NALF1: variants seen among roughly 807,000 people sequenced by gnomAD.
NALF1 encodes the protein NALCN channel auxiliary factor 1.
In NALF1, 3 loss-of-function variants were observed where a neutral mutation model predicts 48.4. The observed-to-expected ratio is 0.06, with a 90% CI of 0.03 to 0.16. The LOEUF (loss-of-function observed/expected upper bound fraction) is 0.16, where lower values mean the gene tolerates loss of function less well. Ranked by LOEUF, NALF1 falls within the 10% of genes least tolerant of loss-of-function variation. The pLI is 1.00. For synonymous variants in NALF1, 262 were observed against 245.7 expected, an observed-to-expected ratio of 1.07 and a Z score of -0.62; for missense variants, 526 against 571.5, an observed-to-expected ratio of 0.92 and a Z score of 0.81.
rs1878719313 is a variant in NALF1, at chr13:107,168,651, AT to A, written c.*1845del. The A allele has an allele frequency of 6.6e-6, 1 of 152,650 alleles. No homozygotes were observed. Among genetic ancestry groups the A allele is most frequent in the South Asian group, 2.1e-4 (1 of 4,830 alleles). 9.5% of individuals were successfully genotyped at this position (152,650 alleles called of 1,614,324 possible). On this transcript the variant is annotated 3_prime_UTR_variant, in exon 3 of 3. Coordinates refer to ENST00000375915, the MANE Select transcript of NALF1 (RefSeq NM_001080396.3). ...AATATTGTGCATGTACTGCTAAACAATTCTAGCAATTTTATTAAGCAATACC... is the reference window on the plus strand; with the variant it reads ...AATATTGTGCATGTACTGCTAAACAATCTAGCAATTTTATTAAGCAATACC...
chr13:107,186,024 G>T (rs1879163665), intron 2 of NALF1, among the ~76,000 whole-genome samples: 1 of 152,108 alleles, frequency 6.6e-6, no homozygotes, highest in South Asian at 2.1e-4. Context: ...TGCGAAAAAA[G>T]ATCTTATGCC....
chr13:107,803,304 A>G (rs1046343447), intron 1 of NALF1, among the ~76,000 whole-genome samples: 3 of 152,162 alleles, frequency 2.0e-5, no homozygotes, highest in African/African-American at 7.2e-5. Context: ...TAATGACATT[A>G]TATTTCTATA....
chr13:107,323,554 T>C (rs1193663342), intron 1 of NALF1, among the ~76,000 whole-genome samples: 1 of 152,110 alleles, frequency 6.6e-6, no homozygotes, highest in African/African-American at 2.4e-5. Flanking sequence ...TCTGATCAAC[T>C]TCCTCTGCTT....
chr13:107,510,757 A>G (rs1360292613), intron 1 of NALF1, among the ~76,000 whole-genome samples: 1 of 152,164 alleles, frequency 6.6e-6, no homozygotes, highest in African/African-American at 2.4e-5. Context: ...ATGGACCACG[A>G]GCTCTGCATT....
chr13:107,171,701 T>C (rs1039317900), intron 2 of NALF1, among the ~76,000 whole-genome samples: 1 of 152,244 alleles, frequency 6.6e-6, no homozygotes, highest in Non-Finnish European at 1.5e-5. Flanking sequence ...ATCCTTTACC[T>C]TGCTGTATTA....
chr13:107,248,119 T>A (rs1880620516), intron 1 of NALF1, among the ~76,000 whole-genome samples: 1 of 151,686 alleles, frequency 6.6e-6, no homozygotes, highest in Non-Finnish European at 1.5e-5. Context: ...GTAGCAGCAA[T>A]GAATGAGGGA....
chr13:107,816,739 T>C (rs1364327522), intron 1 of NALF1, among the ~76,000 whole-genome samples: 2 of 152,192 alleles, frequency 1.3e-5, no homozygotes, highest in African/African-American at 2.4e-5. Flanking sequence ...CTATTGCGTA[T>C]TGCATTAAAA....
At chr13:107,721,316 A>G (rs1875979528) in intron 1 of NALF1, among the ~76,000 whole-genome samples, 1 of 152,156 alleles carries the variant, frequency 6.6e-6, no homozygotes, top group Non-Finnish European at 1.5e-5. Flanking sequence ...CCCAGCAACA[A>G]GGAATATCCA....
At chr13:107,742,691 T>C (rs1289976836) in intron 1 of NALF1, among the ~76,000 whole-genome samples, 1 of 152,180 alleles carries the variant, frequency 6.6e-6, no homozygotes, top group Non-Finnish European at 1.5e-5. Flanking sequence ...TGGACTAACA[T>C]AAGGTTATTC....
At chr13:107,840,189 TATACGA>T (rs1297720136) in intron 1 of NALF1, among the ~76,000 whole-genome samples, 1 of 152,170 alleles carries the variant, frequency 6.6e-6, no homozygotes, top group African/African-American at 2.4e-5. Context: ...TACATGCAAC[TATACGA>T]ATAGGAAAGA....
chr13:107,368,923 T>C (rs1346763535), intron 1 of NALF1, among the ~76,000 whole-genome samples: 1 of 152,216 alleles, frequency 6.6e-6, no homozygotes, highest in Non-Finnish European at 1.5e-5. Flanking sequence ...CAGTGCATCA[T>C]ACTCTACCTA....
intron 1 of NALF1, among the ~76,000 whole-genome samples, chr13:107,235,480 T>G (rs1233918516): frequency 6.6e-6 from 1 of 152,198 alleles, no homozygotes; most frequent in Non-Finnish European, 1.5e-5. Context: ...TCCATGAAAT[T>G]GGGGTAGTAT....
intron 1 of NALF1, among the ~76,000 whole-genome samples, chr13:107,813,320 G>T (rs1048007580): frequency 6.6e-6 from 1 of 152,108 alleles, no homozygotes; most frequent in Admixed American, 6.6e-5. Flanking sequence ...AGGTCTTGAA[G>T]GTGACTGGTT....
intron 1 of NALF1, among the ~76,000 whole-genome samples, chr13:107,360,526 T>C (rs1024734694): frequency 7.9e-5 from 12 of 152,144 alleles, no homozygotes; most frequent in African/African-American, 2.2e-4. Flanking sequence ...GAAAATAGAA[T>C]AATAAATGAG....
chr13:107,536,859 G>C, intron 1 of NALF1, among the ~76,000 whole-genome samples: 1 of 152,170 alleles, frequency 6.6e-6, no homozygotes, highest in Non-Finnish European at 1.5e-5. Flanking sequence ...ACTGGATTAA[G>C]AAAATGTGGC....
At chr13:107,415,312 A>G (rs1241160127) in intron 1 of NALF1, among the ~76,000 whole-genome samples, 1 of 152,170 alleles carries the variant, frequency 6.6e-6, no homozygotes, top group East Asian at 1.9e-4. Flanking sequence ...TGAAAGATAT[A>G]CTGGATTTTA....
intron 1 of NALF1, among the ~76,000 whole-genome samples, chr13:107,237,396 A>G (rs1880375396): frequency 6.6e-6 from 1 of 152,094 alleles, no homozygotes; most frequent in South Asian, 2.1e-4. Context: ...TACTTATCTC[A>G]CTTATAACCC....
At chr13:107,231,939 T>C (rs900181214) in intron 1 of NALF1, among the ~76,000 whole-genome samples, 3 of 152,258 alleles carry the variant, frequency 2.0e-5, no homozygotes, top group South Asian at 2.1e-4. Context: ...TAAGCACTTC[T>C]AATCTATTTC....
At chr13:107,560,896 T>C (rs1407956105) in intron 1 of NALF1, among the ~76,000 whole-genome samples, 1 of 152,250 alleles carries the variant, frequency 6.6e-6, no homozygotes, top group Non-Finnish European at 1.5e-5. Context: ...TAAGAAATTA[T>C]TTTCAACATT....
Sources: gnomAD v4.1 joint callset for allele counts (sites outside exome capture counted in the v4.1 genomes callset) on GRCh38, gnomAD v4.1.1 for gene constraint, MANE v1.5 for transcripts, NCBI Gene and HGNC (gene_info 2026-07-23, HGNC 2026-07-21) for gene names.